Variants in GRAMD1B observed in about 807,000 individuals in gnomAD.
GRAMD1B encodes protein Aster-B.
Under a neutral mutation model 99.7 loss-of-function variants are expected in GRAMD1B, and 37 were observed. That is an observed-to-expected ratio of 0.37 (90% confidence interval 0.29 to 0.49). The LOEUF (loss-of-function observed/expected upper bound fraction) is 0.49. Ranked by LOEUF, GRAMD1B falls within the 20% of genes least tolerant of loss-of-function variation. GRAMD1B has a pLI of 0.98. For synonymous variants in GRAMD1B, 427 were observed against 387.6 expected, an observed-to-expected ratio of 1.10 and a Z score of -1.19; for missense variants, 888 against 1,009.2, an observed-to-expected ratio of 0.88 and a Z score of 1.63.
intron 19 of GRAMD1B, among the ~76,000 whole-genome samples, chr11:123,621,026 GC>G (rs1050716747): frequency 6.6e-6 from 1 of 152,116 alleles, no homozygotes; most frequent in African/African-American, 2.4e-5. Context: ...GGGGGTTGGG[GC>G]TGTCAGATTT....
intron 2 of GRAMD1B, among the ~76,000 whole-genome samples, chr11:123,505,240 CG>C (rs993166369): frequency 5.3e-5 from 8 of 151,704 alleles, no homozygotes; most frequent in Non-Finnish European, 7.4e-5. Context: ...CTCTGTTTTC[CG>C]GGCTGGTCCT....
intron 1 of GRAMD1B, among the ~76,000 whole-genome samples, chr11:123,423,540 T>C (rs534941822): frequency 6.6e-6 from 1 of 152,332 alleles, no homozygotes; most frequent in South Asian, 2.1e-4. Flanking sequence ...CTTCCATTAA[T>C]TCATTCCCTA....
Position 123,359,708 on chromosome 11 carries a change from G to A in GRAMD1B, c.-176+909G>A, listed in dbSNP as rs998798653. Among the ~76,000 whole-genome samples, 9 of 152,198 alleles carry A rather than the reference G, an allele frequency of 5.9e-5. No individual in the cohort carries two copies. In the East Asian group the frequency reaches 7.8e-4, roughly 13 times the overall value. On this transcript the variant is annotated intron_variant, in intron 1 of 20. Transcript: ENST00000638157. ...GTAGGGTGGGAGGATTGTACATATC[G>A]CGAACGCTTGGCAAATCTCTAGATT...
upstream of GRAMD1B, among the ~76,000 whole-genome samples, chr11:123,425,890 A>G (rs527740421): frequency 6.6e-6 from 1 of 152,328 alleles, no homozygotes; most frequent in South Asian, 2.1e-4. Flanking sequence ...AGGACTCGTG[A>G]AAGAAACAAA....
At chr11:123,616,060 ACACGTGTAATCCCAG>A (rs1199741954) in intron 17 of GRAMD1B, among the ~76,000 whole-genome samples, 8 of 152,330 alleles carry the variant, frequency 5.3e-5, no homozygotes, top group Non-Finnish European at 1.2e-4. Flanking sequence ...GCGGTGGCTC[ACACGTGTAATCCCAG>A]CACTTTGGGA....
rs946657451 is a variant in GRAMD1B at position 123,492,892 on chromosome 11, A to ACACACACACACACACG, written c.452+12002_452+12003insACACACACACACGCAC. 5.9e-5 allele frequency among the ~76,000 whole-genome samples: 9 copies of ACACACACACACACACG among 151,736 alleles called. No individual in the cohort carries two copies. The highest frequency in any genetic ancestry group is 2.2e-4 in the African/African-American group (9 of 41,226). On this transcript the variant is annotated intron_variant, in intron 2 of 19. Coordinates refer to ENST00000635736, the MANE Select transcript of GRAMD1B (RefSeq NM_001387025.1). This position sits in a 1 kb window ranked among gnomAD's most constrained non-coding sequence, Gnocchi z 4.2. ...CACACACACACACACACACACACAC[A>ACACACACACACACACG]CACGCATAGGCATAGATGCCTGTGA...
At chr11:123,525,683 AGCTTCT>A (rs1331296264) in intron 2 of GRAMD1B, 1 of 181,470 alleles carries the variant, frequency 5.5e-6, no homozygotes, top group African/African-American at 2.4e-5. Flanking sequence ...AGAGAGGTGC[AGCTTCT>A]GCTAGGTTTG....
chr11:123,493,341 G>A (rs1039262410), intron 2 of GRAMD1B, among the ~76,000 whole-genome samples: 3 of 152,234 alleles, frequency 2.0e-5, no homozygotes, highest in Non-Finnish European at 4.4e-5. Flanking sequence ...GTAGCACACA[G>A]TAAGTGGCAG....
intron 2 of GRAMD1B, 62 bp from the exon 3 acceptor site, chr11:123,577,305 C>A: frequency 7.2e-7 from 1 of 1,380,022 alleles, no homozygotes; most frequent in Non-Finnish European, 1.0e-6. Context: ...CGATCACTGA[C>A]TGCCTGCCTT....
intron 1 of GRAMD1B, among the ~76,000 whole-genome samples, chr11:123,366,397 T>G (rs1946322152): frequency 6.6e-6 from 1 of 152,268 alleles, no homozygotes; most frequent in South Asian, 2.1e-4. Context: ...ATTCCTTTTC[T>G]TTTTCCCAAA....
chr11:123,449,612 T>C (rs916649792), intron 1 of GRAMD1B, among the ~76,000 whole-genome samples: 1 of 152,014 alleles, frequency 6.6e-6, no homozygotes, highest in Non-Finnish European at 1.5e-5. Context: ...TTTTCATATA[T>C]CACCCAGGGT....
chr11:123,585,139 A>G (rs1489779354), intron 4 of GRAMD1B, among the ~76,000 whole-genome samples: 4 of 152,146 alleles, frequency 2.6e-5, no homozygotes, highest in African/African-American at 9.7e-5. Flanking sequence ...CCTAACTCTG[A>G]TGAATCCTGG....
At position 123,369,388 on chromosome 11, in the gene GRAMD1B, G is replaced by A. The variant is rs576941709; in HGVS notation, c.-176+10589G>A. ...GGAGAGGTTGCAAATATAGAAAGAA[G>A]AGACAGCTAAGAGAAACTTGAGAAC... On this transcript the variant is annotated intron_variant, in intron 1 of 20. Transcript: ENST00000638157. 7.2e-5 allele frequency among the ~76,000 whole-genome samples: 11 copies of A among 152,068 alleles called. No homozygotes were observed. In the South Asian group the frequency reaches 2.3e-3, roughly 32 times the overall value.
chr11:123,582,202 T>C (rs1949432234), intron 3 of GRAMD1B, among the ~76,000 whole-genome samples: 1 of 152,220 alleles, frequency 6.6e-6, no homozygotes, highest in South Asian at 2.1e-4. Flanking sequence ...CCTCTTGCCC[T>C]GTGGGCTTCG....
intron 2 of GRAMD1B, chr11:123,526,257 A>G (rs1942730916): frequency 3.6e-6 from 4 of 1,122,218 alleles, no homozygotes; most frequent in Non-Finnish European, 4.0e-6. Flanking sequence ...GGTCTCCTTC[A>G]TTGATGCCAT....
chr11:123,508,412 A>G (rs1478460694), intron 2 of GRAMD1B, among the ~76,000 whole-genome samples: 1 of 152,246 alleles, frequency 6.6e-6, no homozygotes, highest in Non-Finnish European at 1.5e-5. Context: ...TCCACCTCTT[A>G]ATACTATACT....
intron 1 of GRAMD1B, among the ~76,000 whole-genome samples, chr11:123,473,796 T>C (rs1181698606): frequency 6.6e-6 from 1 of 152,198 alleles, no homozygotes; most frequent in African/African-American, 2.4e-5. Context: ...TATTGAGGGA[T>C]GTTCTGTAAG....
rs537514238 is a variant in GRAMD1B, at chr11:123,610,685, A to G, written c.1919+347A>G. Among the ~76,000 whole-genome samples the G allele has an allele frequency of 4.4e-4, 67 of 152,354 alleles. No individual in the cohort carries two copies. Among genetic ancestry groups the G allele is most frequent in the African/African-American group, 1.6e-3 (65 of 41,582 alleles). On this transcript the variant is annotated intron_variant, in intron 14 of 19. Transcript: ENST00000635736. The surrounding 1 kb of genome is among the most constrained non-coding windows in gnomAD (Gnocchi z 4.1). ...TTTTTCAGATAAAACTGAGTCTCAT[A>G]TGAGTTCAGGAACTTTGCCAAGAGT...
intron 1 of GRAMD1B, among the ~76,000 whole-genome samples, chr11:123,403,909 TAGAAAA>T (rs1350334579): frequency 1.3e-5 from 2 of 152,138 alleles, no homozygotes; most frequent in East Asian, 3.8e-4. Context: ...CTTTGCCACT[TAGAAAA>T]AGAAAAAATT....
Sources: allele counts gnomAD v4.1 joint callset (sites outside exome capture counted in the v4.1 genomes callset), GRCh38; gene constraint gnomAD v4.1.1; non-coding constraint Gnocchi (gnomAD v3.1); transcripts MANE v1.5; gene names NCBI Gene and HGNC (gene_info 2026-07-23, HGNC 2026-07-21).